The following FUT8 variants were observed in gnomAD, a reference collection of about 807,000 sequenced individuals.
The protein encoded by FUT8 is alpha-(1,6)-fucosyltransferase.
Under a neutral mutation model 71.3 loss-of-function variants are expected in FUT8, and 29 were observed. The observed-to-expected ratio is 0.41, with a 90% CI of 0.30 to 0.55. FUT8 has a LOEUF of 0.55. Among genes scored for constraint, FUT8 ranks in the 20% least tolerant of loss-of-function variants. The pLI, the probability that FUT8 is intolerant of heterozygous loss-of-function variation, is 0.34. For synonymous variants in FUT8, 254 were observed against 239.3 expected, an observed-to-expected ratio of 1.06 and a Z score of -0.57; for missense variants, 544 against 702.1, an observed-to-expected ratio of 0.77 and a Z score of 2.55.
At chr14:65,605,710 C>T (rs996220616) in intron 3 of FUT8, among the ~76,000 whole-genome samples, 4 of 151,940 alleles carry the variant, frequency 2.6e-5, no homozygotes, top group African/African-American at 9.7e-5. Context: ...GTTATGGCAG[C>T]CCTTAAAAAC....
chr14:65,383,265 CTTTTTTTTTTTTTTT>C, the FUT8 span, among the ~76,000 whole-genome samples: 3 of 86,534 alleles, frequency 3.5e-5, no homozygotes, highest in Non-Finnish European at 4.6e-5. Flanking sequence ...TTTTTCTTTT[CTTTTTTTTTTTTTTT>C]TTTTTTTTTT....
At chr14:65,591,984 A>G (rs1040976207) in intron 3 of FUT8, among the ~76,000 whole-genome samples, 2 of 152,092 alleles carry the variant, frequency 1.3e-5, no homozygotes, top group African/African-American at 2.4e-5. Flanking sequence ...CTATTGCAAG[A>G]TACTTAAAAA....
intron 6 of FUT8, chr14:65,646,424 C>G (rs1042492202): frequency 5.9e-5 from 9 of 152,190 alleles, no homozygotes; most frequent in African/African-American, 2.2e-4. Flanking sequence ...CAGATTGCCT[C>G]TAGTTAAAAT....
intron 1 of FUT8, among the ~76,000 whole-genome samples, chr14:65,428,177 C>T (rs1204342624): frequency 6.6e-6 from 1 of 152,134 alleles, no homozygotes; most frequent in Non-Finnish European, 1.5e-5. Context: ...CATTCACTGA[C>T]CTTTTCTTAA....
intron 1 of FUT8, among the ~76,000 whole-genome samples, chr14:65,442,268 C>T (rs908936765): frequency 4.0e-5 from 6 of 151,620 alleles, no homozygotes; most frequent in Admixed American, 6.6e-5. Context: ...CTCCACCTTC[C>T]GGGTTCAAGT....
chr14:65,471,670 C>T (rs558559563), intron 2 of FUT8, among the ~76,000 whole-genome samples: 1 of 152,164 alleles, frequency 6.6e-6, no homozygotes, highest in African/African-American at 2.4e-5. Context: ...CTTGTCTCTC[C>T]AGGTTTTAGA....
intron 6 of FUT8, among the ~76,000 whole-genome samples, chr14:65,663,328 C>T (rs1038066010): frequency 2.0e-5 from 3 of 151,838 alleles, no homozygotes; most frequent in Non-Finnish European, 4.4e-5. Context: ...CTATGAAGTT[C>T]TTTTCATCAG....
chr14:65,390,354 A>G, the FUT8 span, among the ~76,000 whole-genome samples: 3 of 151,248 alleles, frequency 2.0e-5, no homozygotes, highest in Non-Finnish European at 4.4e-5. Flanking sequence ...GCTTGTAAGT[A>G]AGATAATACA....
intron 7 of FUT8, among the ~76,000 whole-genome samples, chr14:65,670,187 A>G (rs1892408711): frequency 1.3e-5 from 2 of 152,192 alleles, no homozygotes; most frequent in Non-Finnish European, 1.5e-5. Flanking sequence ...AATATAGAAA[A>G]GAATTTCTTA....
the FUT8 span, among the ~76,000 whole-genome samples, chr14:65,391,160 T>G: frequency 6.6e-6 from 1 of 152,188 alleles, no homozygotes; most frequent in Non-Finnish European, 1.5e-5. Flanking sequence ...ACTATTTAAT[T>G]AATCTTTATA....
At chr14:65,708,806 A>T (rs970235667) in intron 7 of FUT8, among the ~76,000 whole-genome samples, 1 of 152,122 alleles carries the variant, frequency 6.6e-6, no homozygotes, top group African/African-American at 2.4e-5. Flanking sequence ...TCATAGGAAG[A>T]GTAGAAAGGT....
At chr14:65,552,135 A>T (rs1482787205) in intron 2 of FUT8, among the ~76,000 whole-genome samples, 1 of 152,234 alleles carries the variant, frequency 6.6e-6, no homozygotes, top group Non-Finnish European at 1.5e-5. Context: ...GCTTAAAAAT[A>T]AAATGATAGC....
At chr14:65,431,756 C>T (rs185333413) in intron 1 of FUT8, among the ~76,000 whole-genome samples, 1 of 151,898 alleles carries the variant, frequency 6.6e-6, no homozygotes, top group African/African-American at 2.4e-5. Flanking sequence ...GTTCTGTCTC[C>T]CATTTGGTGT....
At chr14:65,377,824 C>T in the FUT8 span, among the ~76,000 whole-genome samples, 4 of 151,742 alleles carry the variant, frequency 2.6e-5, no homozygotes, top group Non-Finnish European at 5.9e-5. Flanking sequence ...TGAAATTAAA[C>T]AATGATAGGG....
chr14:65,743,676 A>C lies in FUT8; in HGVS notation c.*1266A>C, dbSNP rs576831383. 2 of 151,816 alleles carry C rather than the reference A, an allele frequency of 1.3e-5. No individual in the cohort carries two copies. Among genetic ancestry groups the C allele is most frequent in the Non-Finnish European group, 2.9e-5 (2 of 67,866 alleles). The allele number at this position is 151,816 out of a possible 1,614,324, so 9.4% of individuals were successfully genotyped here. ...ACTTGGTGACCAAGTGAGAAGCGGG[A>C]CCAATGGGAGACTCACAATGGACTG... On this transcript the variant is annotated 3_prime_UTR_variant, in exon 11 of 11. Transcript: ENST00000673929.
At position 65,433,328 on chromosome 14, in the gene FUT8, G is replaced by A. The variant is rs937956835; in HGVS notation, c.-326+20114G>A. ...GGCAGAGGAAGTTCTAGTAGGATATGGTACATAGTGATGATTAGCTTAGCA... is the reference window on the plus strand; with the variant it reads ...GGCAGAGGAAGTTCTAGTAGGATATAGTACATAGTGATGATTAGCTTAGCA... On this transcript the variant is annotated intron_variant, in intron 1 of 10. Transcript: ENST00000673929. 2.0e-5 allele frequency among the ~76,000 whole-genome samples: 3 copies of A among 152,076 alleles called. 1 individual carries two copies. Among genetic ancestry groups the A allele is most frequent in the Admixed American group, 6.6e-5 (1 of 15,254 alleles).
At chr14:65,641,241 C>T (rs931144777) in intron 6 of FUT8, among the ~76,000 whole-genome samples, 7 of 152,094 alleles carry the variant, frequency 4.6e-5, no homozygotes, top group Non-Finnish European at 8.8e-5. Flanking sequence ...GTTTGTGTTT[C>T]GTAGAATTGT....
chr14:65,395,427 C>G, the FUT8 span, among the ~76,000 whole-genome samples: 40 of 152,384 alleles, frequency 2.6e-4, no homozygotes, highest in Middle Eastern at 3.4e-3. Context: ...CATCCACACA[C>G]TTCCATACAT....
chr14:65,486,691 C>T (rs887395678), intron 2 of FUT8, among the ~76,000 whole-genome samples: 1 of 152,158 alleles, frequency 6.6e-6, no homozygotes, highest in African/African-American at 2.4e-5. Context: ...GATTTAAATC[C>T]TCTATTTACC....
Sources: gnomAD v4.1 joint callset for allele counts (sites outside exome capture counted in the v4.1 genomes callset) on GRCh38, gnomAD v4.1.1 for gene constraint, MANE v1.5 for transcripts, NCBI Gene and HGNC (gene_info 2026-07-23, HGNC 2026-07-21) for gene names.